Variants in OR4M1 observed in about 807,000 individuals in gnomAD.
OR4M1 encodes olfactory receptor 4M1.
A neutral mutation model predicts 9.8 loss-of-function variants in OR4M1; 7 were observed. The observed-to-expected ratio is 0.71, with a 90% CI of 0.41 to 1.34. The LOEUF (loss-of-function observed/expected upper bound fraction) is 1.34, where lower values mean the gene tolerates loss of function less well. OR4M1 is among the 40% of genes most tolerant of loss of function. OR4M1 has a pLI of 0.01. For missense variants in OR4M1, 331 were observed against 380.4 expected, an observed-to-expected ratio of 0.87 and a Z score of 1.08; for synonymous variants, 121 against 139.8, an observed-to-expected ratio of 0.87 and a Z score of 0.95.
chr14:19,783,627 A>G lies in OR4M1; in HGVS notation c.*2363A>G, dbSNP rs776363087. 1 of 152,170 alleles carries G rather than the reference A, an allele frequency of 6.6e-6. No homozygotes were observed. Among genetic ancestry groups the G allele is most frequent in the African/African-American group, 2.4e-5 (1 of 41,424 alleles). 9.4% of individuals were successfully genotyped at this position (152,170 alleles called of 1,614,324 possible). ...CTCCTTTTCCCTATATAACTCCTACATTTTCTTTCAGTTACTTTTAAATGT... is the reference window on the plus strand; with the variant it reads ...CTCCTTTTCCCTATATAACTCCTACGTTTTCTTTCAGTTACTTTTAAATGT... On this transcript the variant is annotated 3_prime_UTR_variant, in exon 2 of 2. Transcript: ENST00000641200.
In OR4M1 at chr14:19,781,351, C is replaced by T; in HGVS notation, c.*87C>T. 1 of 1,174,010 alleles carries T rather than the reference C, an allele frequency of 8.5e-7. No homozygotes were observed. The highest frequency in any genetic ancestry group is 1.2e-6 in the Non-Finnish European group (1 of 843,102). 72.7% of individuals were successfully genotyped at this position (1,174,010 alleles called of 1,614,324 possible). Reference sequence around the variant, plus strand: ...GCAGTAATAATGCTGCATTCACTTCCTCCGTTCATTTGTGTTCTTAAAATT... The same window carrying T: ...GCAGTAATAATGCTGCATTCACTTCTTCCGTTCATTTGTGTTCTTAAAATT... On this transcript the variant is annotated 3_prime_UTR_variant, in exon 2 of 2. Transcript: ENST00000641200.
chr14:19,774,629 C>T (rs1984439), intron 1 of OR4M1, among the ~76,000 whole-genome samples: 107,442 of 151,286 alleles, frequency 0.71, 34,655 homozygotes, highest in African/African-American at 0.77. Context: ...ATATACAAAA[C>T]TCATACAAAA....
chr14:19,782,105 C>A lies in OR4M1; in HGVS notation c.*841C>A, dbSNP rs1384784654. On this transcript the variant is annotated 3_prime_UTR_variant, in exon 2 of 2. Transcript: ENST00000641200. ...TTTTTCTAAACTATCATCTCCTTTG[C>A]CACTTTTGTATGTTTTCCGTAATTG... The A allele has an allele frequency of 2.0e-5, 3 of 152,250 alleles. No homozygotes were observed. Among genetic ancestry groups the A allele is most frequent in the African/African-American group, 7.2e-5 (3 of 41,430 alleles). 9.4% of individuals were successfully genotyped at this position (152,250 alleles called of 1,614,324 possible). A position where few individuals can be genotyped will look rare whatever the true frequency, so the allele number is the denominator to read the frequency against.
chr14:19,778,442 A>T (rs1878373615), intron 1 of OR4M1, among the ~76,000 whole-genome samples: 1 of 152,246 alleles, frequency 6.6e-6, no homozygotes, highest in South Asian at 2.1e-4. Context: ...CCGCTTTAAA[A>T]TATTCACCTC....
At position 19,781,960 on chromosome 14, in the gene OR4M1, G is replaced by A. The variant is rs1318009824; in HGVS notation, c.*696G>A. 6.6e-6 allele frequency: 1 copy of A among 152,314 alleles called. No homozygotes were observed. The highest frequency in any genetic ancestry group is 2.4e-5 in the African/African-American group (1 of 41,464). The allele number at this position is 152,314 out of a possible 1,614,324, so 9.4% of individuals were successfully genotyped here. A position where few individuals can be genotyped will look rare whatever the true frequency, so the allele number is the denominator to read the frequency against. On this transcript the variant is annotated 3_prime_UTR_variant, in exon 2 of 2. Transcript: ENST00000641200. Reference sequence around the variant, plus strand: ...TGAGATTCATGTCATTCCAGATGAAGCCTCCAGGCAACTAGCAATTTTTAT... The same window carrying A: ...TGAGATTCATGTCATTCCAGATGAAACCTCCAGGCAACTAGCAATTTTTAT...
intron 1 of OR4M1, among the ~76,000 whole-genome samples, chr14:19,776,728 C>T (rs1470187100): frequency 6.6e-6 from 1 of 152,084 alleles, no homozygotes; most frequent in African/African-American, 2.4e-5. Context: ...AATTCCCAGC[C>T]TTTCTTGGGG....
Position 19,780,727 on chromosome 14 carries a change from C to A in OR4M1, c.405C>A (p.Ile135=). The change falls in exon 2 of 2, where the codon ATC becomes ATA. Residue 135 remains isoleucine (I), a synonymous_variant. Transcript: ENST00000641200. ...AICRPLHYAT[I]MNRRLCCILV... ...GCCGACCCCTCCACTATGCTACCAT[C>A]ATGAATCGACGTCTCTGCTGTATCC... The A allele has an allele frequency of 6.2e-7, 1 of 1,614,270 alleles. No individual in the cohort carries two copies. Among genetic ancestry groups the A allele is most frequent in the Non-Finnish European group, 8.5e-7 (1 of 1,180,042 alleles).
In OR4M1 at chr14:19,783,188, CT is replaced by C. The variant is rs1167449505; in HGVS notation, c.*1928del. ...TAATATCAATGAAGAAAAAGGGGAACTTTTGGCAAACTCTAGTAAGTAATAA... is the reference window on the plus strand; with the variant it reads ...TAATATCAATGAAGAAAAAGGGGAACTTTGGCAAACTCTAGTAAGTAATAA... On this transcript the variant is annotated 3_prime_UTR_variant, in exon 2 of 2. Coordinates refer to ENST00000641200, the MANE Select transcript of OR4M1 (RefSeq NM_001005500.2). 1.3e-5 allele frequency: 2 copies of C among 152,244 alleles called. No individual in the cohort carries two copies. Among genetic ancestry groups the C allele is most frequent in the Non-Finnish European group, 2.9e-5 (2 of 68,060 alleles). The allele number at this position is 152,244 out of a possible 1,614,324, so 9.4% of individuals were successfully genotyped here. A position where few individuals can be genotyped will look rare whatever the true frequency, so the allele number is the denominator to read the frequency against.
chr14:19,775,176 C>A (rs1566449827), intron 1 of OR4M1, among the ~76,000 whole-genome samples: 1 of 152,212 alleles, frequency 6.6e-6, no homozygotes, highest in Non-Finnish European at 1.5e-5. Flanking sequence ...GGCAATTAAC[C>A]AGCATTGCTT....
intron 1 of OR4M1, among the ~76,000 whole-genome samples, chr14:19,774,058 T>A (rs1878242116): frequency 1.3e-5 from 2 of 152,350 alleles, no homozygotes; most frequent in South Asian, 4.1e-4. Flanking sequence ...TTCAAGATGA[T>A]CTCTGTGAAG....
At chr14:19,773,737 G>A (rs1878233204) in intron 1 of OR4M1, 144 bp downstream of exon 1, 1 of 152,474 alleles carries the variant, frequency 6.6e-6, no homozygotes, top group African/African-American at 2.4e-5. Context: ...AATGTCTTAG[G>A]GAACTGTGAT....
At position 19,781,426 on chromosome 14, in the gene OR4M1, G is replaced by A. The variant is rs555154437; in HGVS notation, c.*162G>A. ...TCCTCTTTATATTGAAAAAATAGAG[G>A]CATTAAGATGAAAATAAATTTACTC... On this transcript the variant is annotated 3_prime_UTR_variant, in exon 2 of 2. Transcript: ENST00000641200. 2.9e-5 allele frequency: 20 copies of A among 698,494 alleles called. No individual in the cohort carries two copies. In the South Asian group the frequency reaches 5.0e-4, roughly 17 times the overall value. 43.3% of individuals were successfully genotyped at this position (698,494 alleles called of 1,614,324 possible).
At chr14:19,775,576 A>G (rs1257098627) in intron 1 of OR4M1, among the ~76,000 whole-genome samples, 1 of 147,412 alleles carries the variant, frequency 6.8e-6, no homozygotes, top group African/African-American at 2.5e-5. Flanking sequence ...ATAAATATGT[A>G]ATATATGTAA....
At chr14:19,775,901 G>T (rs1185499733) in intron 1 of OR4M1, among the ~76,000 whole-genome samples, 1 of 151,690 alleles carries the variant, frequency 6.6e-6, no homozygotes, top group African/African-American at 2.4e-5. Context: ...TGATCCTAAT[G>T]GTTTCTTCTT....
intron 1 of OR4M1, among the ~76,000 whole-genome samples, chr14:19,779,674 A>G (rs188982964): frequency 1.3e-5 from 2 of 152,328 alleles, no homozygotes; most frequent in East Asian, 3.9e-4. Context: ...TCACAGCTAG[A>G]AGAATTTTTT....
chr14:19,778,775 G>A (rs1346973648), intron 1 of OR4M1, among the ~76,000 whole-genome samples: 1 of 152,056 alleles, frequency 6.6e-6, no homozygotes, highest in African/African-American at 2.4e-5. Flanking sequence ...ATTGTTTTTT[G>A]GAATCTTAGG....
In OR4M1 at chr14:19,775,533, AAT is replaced by A. The variant is rs1177259662; in HGVS notation, c.-30+1950_-30+1951del. On this transcript the variant is annotated intron_variant, in intron 1 of 1. Transcript: ENST00000641200. ...TATATTAAAAGAGAAATAAGCAGCA[AAT>A]ATATATATAATATAATATATATTAT... 8.8e-5 allele frequency among the ~76,000 whole-genome samples: 13 copies of A among 148,086 alleles called. No homozygotes were observed. In the South Asian group the frequency reaches 1.0e-3, roughly 12 times the overall value.
chr14:19,779,104 T>A (rs1037630551), intron 1 of OR4M1, among the ~76,000 whole-genome samples: 2 of 152,224 alleles, frequency 1.3e-5, no homozygotes, highest in Non-Finnish European at 2.9e-5. Context: ...CATTTATCTA[T>A]GTTTGTTAAA....
rs368773410 is a variant in OR4M1 at position 19,780,367 on chromosome 14, T to C, written c.45T>C (p.Thr15=). 4 of 1,614,032 alleles carry C rather than the reference T, an allele frequency of 2.5e-6. No individual in the cohort carries two copies. The East Asian group carries it at 6.7e-5, about 27-fold the overall frequency. ...NYTKVTEFVL[T]GLSQTREVQL... ...CCAAGGTGACAGAATTTGTTCTCAC[T>C]GGCCTATCCCAGACTCGGGAGGTCC... Residue 15 remains threonine, a synonymous_variant, in exon 2 of 2, where the codon ACT becomes ACC. Transcript: ENST00000641200.
Sources: gnomAD v4.1 joint callset for allele counts (sites outside exome capture counted in the v4.1 genomes callset) on GRCh38, gnomAD v4.1.1 for gene constraint, MANE v1.5 for transcripts, NCBI Gene and HGNC (gene_info 2026-07-23, HGNC 2026-07-21) for gene names.